The following KIAA1671 variants were observed in gnomAD, a reference collection of about 807,000 sequenced individuals.
The protein encoded by KIAA1671 is uncharacterized protein KIAA1671.
A neutral mutation model predicts 131.2 loss-of-function variants in KIAA1671; 52 were observed. The observed-to-expected ratio is 0.40, with a 90% CI of 0.32 to 0.50. The LOEUF (loss-of-function observed/expected upper bound fraction) is 0.50, where lower values mean the gene tolerates loss of function less well. KIAA1671 is among the 20% of genes least tolerant of loss of function. The pLI, the probability that KIAA1671 is intolerant of heterozygous loss-of-function variation, is 0.73. For missense variants in KIAA1671, 2,360 were observed against 2,364.2 expected (o/e 1.00, Z 0.04); for synonymous variants, 1,003 against 961.6 (o/e 1.04, Z -0.80).
At chr22:25,065,693 G>A (rs986662455) in intron 6 of KIAA1671, among the ~76,000 whole-genome samples, 2 of 151,276 alleles carry the variant, frequency 1.3e-5, no homozygotes, top group African/African-American at 2.4e-5. Flanking sequence ...AGGCTGGAGT[G>A]CAGTGGTGCG....
At chr22:25,032,129 C>T (rs1926328404) in intron 3 of KIAA1671, among the ~76,000 whole-genome samples, 1 of 152,320 alleles carries the variant, frequency 6.6e-6, no homozygotes, top group East Asian at 1.9e-4. Flanking sequence ...GCCCACTACC[C>T]TTCAGTCTGG....
At chr22:25,081,061 G>A (rs776294490) in intron 6 of KIAA1671, among the ~76,000 whole-genome samples, 3 of 152,284 alleles carry the variant, frequency 2.0e-5, no homozygotes, top group South Asian at 2.1e-4. Flanking sequence ...TGCCAATCTC[G>A]TGACTGCTGA....
At position 25,040,881 on chromosome 22, in the gene KIAA1671, A is replaced by G; in HGVS notation, c.3751A>G (p.Lys1251Glu). Residue 1251 changes from lysine to glutamate, a missense_variant, in exon 5 of 13, where the codon AAG (lysine) becomes GAG (glutamate). Physicochemically the swap from Lys to Glu is moderately conservative, Grantham distance 56. Coordinates refer to ENST00000358431, the MANE Select transcript of KIAA1671 (RefSeq NM_001145206.2). Reference sequence around the variant, plus strand: ...GGTGGAGCAGAGAAGGAGGAGCCTGAAGGAGATGCCCGATACCGGGGGTCT... The same window carrying G: ...GGTGGAGCAGAGAAGGAGGAGCCTGGAGGAGATGCCCGATACCGGGGGTCT... ...GGVEQRRRSL[K>E]EMPDTGGLWK... The G allele has an allele frequency of 6.5e-7, 1 of 1,534,288 alleles. No homozygotes were observed. Among genetic ancestry groups the G allele is most frequent in the Non-Finnish European group, 8.8e-7 (1 of 1,138,212 alleles).
rs1295560931 is a variant in KIAA1671 at position 25,054,977 on chromosome 22, C to T, written c.4530+5613C>T. On this transcript the variant is annotated intron_variant, in intron 6 of 12. Coordinates refer to ENST00000358431, the MANE Select transcript of KIAA1671 (RefSeq NM_001145206.2). Reference sequence around the variant, plus strand: ...TCTGGGGTCCTTTAAACTTGACTTCCACGTGACCCTCCTGGACACCCGCAG... The same window carrying T: ...TCTGGGGTCCTTTAAACTTGACTTCTACGTGACCCTCCTGGACACCCGCAG... 8 of 149,306 alleles carry T rather than the reference C, an allele frequency of 5.4e-5. 2 individuals carry two copies. Among genetic ancestry groups the T allele is most frequent in the Admixed American group, 2.0e-4 (3 of 15,052 alleles). 9.2% of individuals were successfully genotyped at this position (149,306 alleles called of 1,614,324 possible).
intron 1 of KIAA1671, among the ~76,000 whole-genome samples, chr22:24,967,581 G>A (rs996689844): frequency 6.6e-5 from 10 of 152,206 alleles, no homozygotes; most frequent in African/African-American, 2.4e-4. Flanking sequence ...CCTGGCCTCC[G>A]CCCTCAAGGA....
chr22:24,987,425 C>A (rs960946854), intron 1 of KIAA1671, among the ~76,000 whole-genome samples: 8 of 152,026 alleles, frequency 5.3e-5, no homozygotes, highest in African/African-American at 1.7e-4. Flanking sequence ...CCCGCCTCGG[C>A]CTCTCAAAGT....
intron 6 of KIAA1671, chr22:25,060,575 C>T (rs1928105003): frequency 6.6e-6 from 1 of 152,218 alleles, no homozygotes. Flanking sequence ...TCTTGTTATT[C>T]ACACTTGTTA....
intron 6 of KIAA1671, chr22:25,054,129 T>C (rs1927708516): frequency 7.6e-6 from 1 of 130,772 alleles, no homozygotes; most frequent in South Asian, 3.2e-4. Flanking sequence ...GAGAATCACT[T>C]GATCCCAGCT....
intron 1 of KIAA1671, among the ~76,000 whole-genome samples, chr22:24,956,863 C>T (rs2123791443): frequency 1.6e-5 from 2 of 124,118 alleles, no homozygotes; most frequent in South Asian, 6.3e-4. Flanking sequence ...GAGAGCGAGA[C>T]TCTGTCTCAA....
chr22:25,166,951 C>T (rs751019479), intron 6 of KIAA1671, among the ~76,000 whole-genome samples: 9 of 152,206 alleles, frequency 5.9e-5, no homozygotes, highest in Non-Finnish European at 1.0e-4. Context: ...GATGTCTTGT[C>T]CTCCACCAGA....
Position 25,049,321 on chromosome 22 carries a change from G to T in KIAA1671, c.4487G>T (p.Arg1496Ile). Residue 1496 changes from arginine to isoleucine, a missense_variant, in exon 6 of 13, where the codon AGA (arginine) becomes ATA (isoleucine). By Grantham distance (97) the Arg-to-Ile change is moderately conservative (BLOSUM62 -3). Coordinates refer to ENST00000358431, the MANE Select transcript of KIAA1671 (RefSeq NM_001145206.2). ...TCCCCTGTGGCCTCGGTTCCCTGGA[G>T]AAGCCACAGCTTCTGCAAAGACAGG... ...QVSPVASVPW[R>I]SHSFCKDRRS... 6.4e-7 allele frequency: 1 copy of T among 1,551,638 alleles called. No homozygotes were observed. Among genetic ancestry groups the T allele is most frequent in the South Asian group, 1.2e-5 (1 of 84,062 alleles).
chr22:25,035,080 T>C (rs1361619589), intron 4 of KIAA1671, among the ~76,000 whole-genome samples: 3 of 144,652 alleles, frequency 2.1e-5, no homozygotes, highest in African/African-American at 7.8e-5. Context: ...AGAGTCTTAC[T>C]CTGTTGCCTG....
chr22:24,974,503 G>A (rs1326491313), intron 1 of KIAA1671, among the ~76,000 whole-genome samples: 1 of 151,982 alleles, frequency 6.6e-6, no homozygotes, highest in Non-Finnish European at 1.5e-5. Flanking sequence ...TTTGAACCTA[G>A]GTAAAGCTAA....
chr22:25,108,458 G>T (rs1931146336), intron 6 of KIAA1671, among the ~76,000 whole-genome samples: 1 of 152,154 alleles, frequency 6.6e-6, no homozygotes, highest in Non-Finnish European at 1.5e-5. Flanking sequence ...GGACTTCATG[G>T]TGTAGGAGCT....
intron 6 of KIAA1671, among the ~76,000 whole-genome samples, chr22:25,072,533 G>A (rs1029074330): frequency 8.5e-5 from 13 of 152,094 alleles, no homozygotes; most frequent in Admixed American, 1.3e-4. Context: ...AAGACAGCCT[G>A]GCACACGTGT....
At chr22:25,130,476 T>A (rs923375385) in intron 6 of KIAA1671, among the ~76,000 whole-genome samples, 1 of 152,238 alleles carries the variant, frequency 6.6e-6, no homozygotes, top group African/African-American at 2.4e-5. Flanking sequence ...CATAACCCGA[T>A]TAGCTGTTAT....
intron 6 of KIAA1671, among the ~76,000 whole-genome samples, chr22:25,113,433 G>A (rs1931485756): frequency 6.6e-6 from 1 of 152,240 alleles, no homozygotes; most frequent in Non-Finnish European, 1.5e-5. Context: ...CTTGAGGACA[G>A]GCGAAGGGCT....
At chr22:25,007,944 C>G (rs575545810) in intron 1 of KIAA1671, among the ~76,000 whole-genome samples, 1 of 151,926 alleles carries the variant, frequency 6.6e-6, no homozygotes, top group Non-Finnish European at 1.5e-5. Flanking sequence ...GTCTGTAATC[C>G]CAGCACTTGG....
intron 1 of KIAA1671, among the ~76,000 whole-genome samples, chr22:24,973,559 A>G (rs1049440288): frequency 6.6e-6 from 1 of 151,450 alleles, no homozygotes. Context: ...ATGCCCGGCT[A>G]ATTTTTTTGT....
Sources: gnomAD v4.1 joint callset for allele counts (sites outside exome capture counted in the v4.1 genomes callset) on GRCh38, gnomAD v4.1.1 for gene constraint, MANE v1.5 for transcripts, NCBI Gene and HGNC (gene_info 2026-07-23, HGNC 2026-07-21) for gene names.